COL24A1: variants seen among roughly 807,000 people sequenced by gnomAD.
COL24A1 encodes collagen alpha-1(XXIV) chain.
In COL24A1, 224 loss-of-function variants were observed where a neutral mutation model predicts 253.9. That is an observed-to-expected ratio of 0.88 (90% CI 0.79 to 0.99). The LOEUF is 0.99. Among genes scored for constraint, COL24A1 ranks in the 50% least tolerant of loss-of-function variants. The pLI, the probability that COL24A1 is intolerant of heterozygous loss-of-function variation, is 0.00. For missense variants in COL24A1, 2,131 were observed against 2,068.5 expected, an observed-to-expected ratio of 1.03 and a Z score of -0.59; for synonymous variants, 685 against 673.7, an observed-to-expected ratio of 1.02 and a Z score of -0.26.
At chr1:86,106,255 G>A (rs1172393845) in intron 5 of COL24A1, among the ~76,000 whole-genome samples, 1 of 151,674 alleles carries the variant, frequency 6.6e-6, no homozygotes, top group Admixed American at 6.6e-5. Context: ...TCATAACCAG[G>A]GATAGAACAT....
intron 1 of COL24A1, among the ~76,000 whole-genome samples, chr1:86,147,206 T>A (rs1652006311): frequency 6.6e-6 from 1 of 152,192 alleles, no homozygotes; most frequent in African/African-American, 2.4e-5. Context: ...ATAAGATGTT[T>A]TTTACCTTTA....
chr1:85,839,593 T>A (rs953037372), intron 42 of COL24A1, among the ~76,000 whole-genome samples: 8 of 151,776 alleles, frequency 5.3e-5, no homozygotes, highest in Non-Finnish European at 1.2e-4. Flanking sequence ...AAAAATTAGC[T>A]GGCCCTGGTG....
intron 24 of COL24A1, among the ~76,000 whole-genome samples, chr1:85,927,631 G>A (rs1423305312): frequency 1.0e-5 from 1 of 96,126 alleles, no homozygotes; most frequent in African/African-American, 4.1e-5. Context: ...TGGGGGCAGG[G>A]CACAGACAAA....
At chr1:85,977,479 C>G (rs1180739006) in intron 20 of COL24A1, among the ~76,000 whole-genome samples, 1 of 152,040 alleles carries the variant, frequency 6.6e-6, no homozygotes, top group Non-Finnish European at 1.5e-5. Context: ...ACAAACAATA[C>G]AGGCTATAGA....
chr1:85,874,859 A>G (rs541432880), intron 34 of COL24A1, among the ~76,000 whole-genome samples, 157 bp from the exon 35 acceptor site: 2 of 152,378 alleles, frequency 1.3e-5, no homozygotes, highest in African/African-American at 2.4e-5. Context: ...GCAGGTGAGC[A>G]GCTGGTGAGC....
chr1:85,845,868 T>C (rs1677096791), intron 39 of COL24A1, among the ~76,000 whole-genome samples: 1 of 151,812 alleles, frequency 6.6e-6, no homozygotes, highest in Non-Finnish European at 1.5e-5. Flanking sequence ...AAAAGACATA[T>C]GGTGTTTATA....
intron 47 of COL24A1, among the ~76,000 whole-genome samples, chr1:85,787,948 A>G (rs1391255314): frequency 6.6e-6 from 1 of 152,144 alleles, no homozygotes; most frequent in Non-Finnish European, 1.5e-5. Flanking sequence ...ATGGTATCTC[A>G]TCGTGGATTT....
At chr1:86,135,848 C>A (rs1276840721) in intron 2 of COL24A1, among the ~76,000 whole-genome samples, 1 of 151,972 alleles carries the variant, frequency 6.6e-6, no homozygotes, top group African/African-American at 2.4e-5. Flanking sequence ...CTTTTCCTTA[C>A]ATGTTTCCTT....
chr1:85,948,917 T>C (rs1207490906), intron 24 of COL24A1, among the ~76,000 whole-genome samples: 1 of 151,972 alleles, frequency 6.6e-6, no homozygotes, highest in African/African-American at 2.4e-5. Context: ...CAAAAAGAGA[T>C]GTACAACATT....
intron 52 of COL24A1, among the ~76,000 whole-genome samples, chr1:85,776,135 G>A (rs968448533): frequency 6.6e-6 from 1 of 152,046 alleles, no homozygotes. Context: ...TTAATATGTT[G>A]TATATGTTTC....
intron 31 of COL24A1, among the ~76,000 whole-genome samples, 155 bp from the exon 32 acceptor site, chr1:85,889,768 A>G (rs763178694): frequency 3.8e-4 from 58 of 151,970 alleles, no homozygotes; most frequent in Non-Finnish European, 8.1e-4. Context: ...GATACACACA[A>G]CATAAAATTT....
intron 24 of COL24A1, among the ~76,000 whole-genome samples, chr1:85,949,352 A>G (rs1689674019): frequency 6.6e-6 from 1 of 152,186 alleles, no homozygotes; most frequent in African/African-American, 2.4e-5. Context: ...ACAAAAGACT[A>G]CATTTTATCA....
At position 85,935,230 on chromosome 1, in the gene COL24A1, T is replaced by C. The variant is rs1032718874; in HGVS notation, c.2563-23797A>G. Among the ~76,000 whole-genome samples, 3 of 118,510 alleles carry C rather than the reference T, an allele frequency of 2.5e-5. 1 individual carries two copies. Among genetic ancestry groups the C allele is most frequent in the Admixed American group, 1.7e-4 (2 of 11,720 alleles). 77.7% of individuals were successfully genotyped at this position (118,510 alleles called of 152,430 possible). A position where few individuals can be genotyped will look rare whatever the true frequency, so the allele number is the denominator to read the frequency against. On this transcript the variant is annotated intron_variant, in intron 24 of 59. Coordinates refer to ENST00000370571, the MANE Select transcript of COL24A1 (RefSeq NM_152890.7). ...CTTAGATGAGTCACCAAAGAGAATA[T>C]GTAGAACAAAAAGAGGAAAAGGCTA...
intron 7 of COL24A1, among the ~76,000 whole-genome samples, chr1:86,086,670 A>G (rs1271316986): frequency 2.0e-5 from 3 of 152,170 alleles, no homozygotes; most frequent in Non-Finnish European, 2.9e-5. Context: ...CACATCAAAC[A>G]TGAAAAAGCA....
At chr1:85,938,696 A>G (rs1444943828) in intron 24 of COL24A1, among the ~76,000 whole-genome samples, 1 of 146,216 alleles carries the variant, frequency 6.8e-6, no homozygotes, top group Admixed American at 6.9e-5. Flanking sequence ...TACTCCTTCA[A>G]GGAAGAACTT....
At chr1:85,857,366 T>C (rs1053208018) in intron 37 of COL24A1, among the ~76,000 whole-genome samples, 1 of 145,554 alleles carries the variant, frequency 6.9e-6, no homozygotes, top group Non-Finnish European at 1.5e-5. Flanking sequence ...CCTTGGCTAG[T>C]ACTGAATAAG....
chr1:85,763,537 G>C (rs973986853), intron 53 of COL24A1, among the ~76,000 whole-genome samples: 1 of 146,934 alleles, frequency 6.8e-6, no homozygotes, highest in African/African-American at 2.5e-5. Context: ...TGTTTCCCAG[G>C]CTGGAGTGCA....
chr1:85,744,699 C>T lies in COL24A1; in HGVS notation c.4639G>A (p.Asp1547Asn), dbSNP rs1665014929. The change falls in exon 57 of 60, where the codon GAT (aspartate) becomes AAT (asparagine). Residue 1547 changes from aspartate (D) to asparagine (N), a missense_variant. Physicochemically the swap from Asp to Asn is conservative, Grantham distance 23. Transcript: ENST00000370571. Reference sequence around the variant, plus strand: ...ACTTTTTGTTCACAGTTAAGTAAATCTTTGCAGATTCGTGCTGGGTTATCT... The same window carrying T: ...ACTTTTTGTTCACAGTTAAGTAAATTTTTGCAGATTCGTGCTGGGTTATCT... ...TRDNPARICKDLLNCEQKVSD... is the reference protein window; with the variant it reads ...TRDNPARICKNLLNCEQKVSD... The T allele has an allele frequency of 6.2e-7, 1 of 1,608,468 alleles. No homozygotes were observed. The highest frequency in any genetic ancestry group is 1.7e-5 in the Admixed American group (1 of 59,328).
intron 32 of COL24A1, among the ~76,000 whole-genome samples, chr1:85,885,499 G>A (rs1053992146): frequency 6.6e-6 from 1 of 151,522 alleles, no homozygotes; most frequent in African/African-American, 2.4e-5. Flanking sequence ...GGGTTTACAG[G>A]TGTGAGCCAC....
Sources: gnomAD v4.1 joint callset for allele counts (sites outside exome capture counted in the v4.1 genomes callset) on GRCh38, gnomAD v4.1.1 for gene constraint, MANE v1.5 for transcripts, NCBI Gene and HGNC (gene_info 2026-07-23, HGNC 2026-07-21) for gene names.